The following KIAA1671 variants were observed in gnomAD, a reference collection of about 807,000 sequenced individuals.
KIAA1671 encodes the protein uncharacterized protein KIAA1671.
In KIAA1671, 52 loss-of-function variants were observed where a neutral mutation model predicts 131.2. The ratio of observed to expected loss-of-function variants is 0.40; its 90% CI spans 0.32 to 0.50. KIAA1671 has a LOEUF of 0.50. Ranked by LOEUF, KIAA1671 falls within the 20% of genes least tolerant of loss-of-function variation. KIAA1671 has a pLI of 0.73. For missense variants in KIAA1671, 2,360 were observed against 2,364.2 expected, an observed-to-expected ratio of 1.00 and a Z score of 0.04; for synonymous variants, 1,003 against 961.6, an observed-to-expected ratio of 1.04 and a Z score of -0.80.
chr22:24,975,460 G>C (rs1013895729), intron 1 of KIAA1671, among the ~76,000 whole-genome samples: 1 of 151,992 alleles, frequency 6.6e-6, no homozygotes, highest in Non-Finnish European at 1.5e-5. Context: ...CTGGGGTGCA[G>C]GTGTGTGCCA....
intron 11 of KIAA1671, among the ~76,000 whole-genome samples, chr22:25,186,820 C>A (rs1434012613): frequency 6.6e-6 from 1 of 152,212 alleles, no homozygotes; most frequent in Admixed American, 6.5e-5. Flanking sequence ...TAGAGAAAGA[C>A]AGGGCCATAG....
In KIAA1671 at chr22:25,093,102, G is replaced by A. The variant is rs187414454; in HGVS notation, c.4530+43738G>A. ...ACTATGTTCATTGAGCACTTACTGT[G>A]TGCTAGGTAATCTCTAGGCAGTGTC... is the stretch of plus-strand genomic sequence containing the variant. On this transcript the variant is annotated intron_variant, in intron 6 of 12. Transcript: ENST00000358431. Among the ~76,000 whole-genome samples the A allele has an allele frequency of 1.8e-4, 27 of 152,328 alleles. No individual in the cohort carries two copies. In the East Asian group the frequency reaches 4.8e-3, roughly 27 times the overall value.
At chr22:24,967,958 A>G (rs2123808725) in intron 1 of KIAA1671, among the ~76,000 whole-genome samples, 1 of 152,200 alleles carries the variant, frequency 6.6e-6, no homozygotes, top group African/African-American at 2.4e-5. Context: ...ATGCCACTGC[A>G]CTCCAGCCTG....
At chr22:25,136,245 C>CCT (rs1054634332) in intron 6 of KIAA1671, among the ~76,000 whole-genome samples, 1 of 151,812 alleles carries the variant, frequency 6.6e-6, no homozygotes, top group African/African-American at 2.4e-5. Context: ...AACACCCCCT[C>CCT]CTCTCTCTCT....
At chr22:25,121,546 G>A (rs1319783894) in intron 6 of KIAA1671, among the ~76,000 whole-genome samples, 2 of 152,058 alleles carry the variant, frequency 1.3e-5, no homozygotes, top group African/African-American at 4.8e-5. Context: ...ATGGTGTGCT[G>A]GTAAAATGTT....
intron 1 of KIAA1671, among the ~76,000 whole-genome samples, chr22:25,008,931 A>G (rs1169825698): frequency 6.6e-6 from 1 of 152,208 alleles, no homozygotes; most frequent in Non-Finnish European, 1.5e-5. Flanking sequence ...TGATGCATTC[A>G]TGGAGCCTTC....
chr22:25,099,017 T>C (rs1215811945), intron 6 of KIAA1671, among the ~76,000 whole-genome samples: 1 of 152,026 alleles, frequency 6.6e-6, no homozygotes, highest in Admixed American at 6.6e-5. Context: ...AGGTGGGGGC[T>C]GCACAGCTGA....
At chr22:24,968,079 T>A (rs1569194288) in intron 1 of KIAA1671, among the ~76,000 whole-genome samples, 1 of 152,152 alleles carries the variant, frequency 6.6e-6, no homozygotes, top group Non-Finnish European at 1.5e-5. Flanking sequence ...AGGTGCCTGG[T>A]TACTGTCAGA....
chr22:25,169,418 C>CAAAAAA (rs34299474), intron 6 of KIAA1671, among the ~76,000 whole-genome samples: 1 of 118,102 alleles, frequency 8.5e-6, no homozygotes, highest in Admixed American at 8.7e-5. Context: ...GACCTTGTCT[C>CAAAAAA]AAAAAAAAAA....
chr22:25,177,650 G>T, intron 9 of KIAA1671, 128 bp downstream of exon 9: 10 of 763,586 alleles, frequency 1.3e-5, no homozygotes, highest in Admixed American at 6.3e-5. Flanking sequence ...ATAGGAAACT[G>T]ATTTTTTTTT....
intron 11 of KIAA1671, among the ~76,000 whole-genome samples, chr22:25,187,459 A>G (rs1934516510): frequency 6.7e-6 from 1 of 148,482 alleles, no homozygotes; most frequent in Non-Finnish European, 1.5e-5. Context: ...CCATTTAACA[A>G]TCTTCATAAA....
At chr22:25,035,641 A>G (rs1265966712) in intron 4 of KIAA1671, among the ~76,000 whole-genome samples, 1 of 152,148 alleles carries the variant, frequency 6.6e-6, no homozygotes, top group Admixed American at 6.5e-5. Context: ...TAAGTAATTA[A>G]AGCTCCTTAT....
rs573606187 is a variant in KIAA1671 at position 25,153,679 on chromosome 22, G to A, written c.4531-17141G>A. On this transcript the variant is annotated intron_variant, in intron 6 of 12. Transcript: ENST00000358431. ...CATTGCTGGGCACCTGCCCCACAGT[G>A]TGTGCTCGCCCAGGAAGAACCCAAA... Among the ~76,000 whole-genome samples the A allele has an allele frequency of 5.9e-5, 9 of 152,324 alleles. No homozygotes were observed. In the East Asian group the frequency reaches 1.7e-3, roughly 29 times the overall value.
intron 4 of KIAA1671, among the ~76,000 whole-genome samples, chr22:25,037,306 G>C (rs1602087407): frequency 6.6e-6 from 1 of 152,278 alleles, no homozygotes; most frequent in East Asian, 1.9e-4. Flanking sequence ...CTGGGCAAAA[G>C]AGCAAGACTC....
At chr22:25,015,341 A>G (rs1925252241) in intron 1 of KIAA1671, among the ~76,000 whole-genome samples, 1 of 152,012 alleles carries the variant, frequency 6.6e-6, no homozygotes, top group Non-Finnish European at 1.5e-5. Context: ...GCAGTGGGCT[A>G]GTTTGGCCTG....
chr22:25,101,643 A>C (rs1162781848), intron 6 of KIAA1671, among the ~76,000 whole-genome samples: 4 of 152,196 alleles, frequency 2.6e-5, no homozygotes, highest in Non-Finnish European at 5.9e-5. Context: ...TGTAAAATCA[A>C]GTCATTTCTA....
At chr22:25,134,249 A>G (rs539068720) in intron 6 of KIAA1671, among the ~76,000 whole-genome samples, 92 of 152,282 alleles carry the variant, frequency 6.0e-4, no homozygotes, top group African/African-American at 2.1e-3. Flanking sequence ...TAATTAATGA[A>G]TGTGCCAGAG....
intron 1 of KIAA1671, among the ~76,000 whole-genome samples, chr22:25,001,175 A>G (rs1282067192): frequency 2.2e-5 from 3 of 137,760 alleles, no homozygotes; most frequent in Admixed American, 7.1e-5. Context: ...ATGTATGTGT[A>G]TATATACGTG....
chr22:25,134,806 C>G (rs144523053), intron 6 of KIAA1671, among the ~76,000 whole-genome samples: 5 of 152,276 alleles, frequency 3.3e-5, no homozygotes, highest in African/African-American at 1.2e-4. Context: ...AGCTCTGTAA[C>G]CTGGGGTAAA....
Sources: gnomAD v4.1 joint callset for allele counts (sites outside exome capture counted in the v4.1 genomes callset) on GRCh38, gnomAD v4.1.1 for gene constraint, MANE v1.5 for transcripts, NCBI Gene and HGNC (gene_info 2026-07-23, HGNC 2026-07-21) for gene names.